The following DCHS2 variants were observed in gnomAD, a reference collection of about 807,000 sequenced individuals.
DCHS2 encodes dachsous cadherin-related 2, also known as protocadherin-23.
In DCHS2, 142 loss-of-function variants were observed where a neutral mutation model predicts 182.4. The observed-to-expected ratio is 0.78, with a 90% confidence interval of 0.68 to 0.89. The LOEUF is 0.89. Ranked by LOEUF, DCHS2 falls within the 40% of genes least tolerant of loss-of-function variation. The pLI is 0.00. For missense variants in DCHS2, 4,319 were observed against 4,198.6 expected (o/e 1.03, Z -0.79); for synonymous variants, 1,740 against 1,663.3 (o/e 1.05, Z -1.12).
rs1305104382 is a variant in DCHS2, at chr4:154,457,770, T to G, written c.2052+31534A>C. ...CTTGTTAAAGCACAAATTGCTTCTC[T>G]CCCCCGCCTCTTTCTACTGCCAGTT... On this transcript the variant is annotated intron_variant, in intron 1 of 19. Transcript: ENST00000357232. Among the ~76,000 whole-genome samples the G allele has an allele frequency of 2.6e-5, 4 of 152,092 alleles. No individual in the cohort carries two copies. The East Asian group carries it at 7.7e-4, about 29-fold the overall frequency.
chr4:154,367,216 T>A (rs927655283), intron 2 of DCHS2, among the ~76,000 whole-genome samples: 2 of 152,180 alleles, frequency 1.3e-5, no homozygotes, highest in African/African-American at 2.4e-5. Flanking sequence ...AGGAGGGCTT[T>A]GAGCACAAGA....
rs752655581 is a variant in DCHS2 at position 154,320,784 on chromosome 4, C to T, written c.4615G>A (p.Gly1539Ser). Residue 1539 changes from glycine to serine, a missense_variant, in exon 9 of 20, where the codon GGC becomes AGC. By Grantham distance (56) the Gly-to-Ser change is moderately conservative (BLOSUM62 0). Transcript: ENST00000357232. The part of the protein sequence containing the change: ...VYVFNAKDDD[G>S]SFLNSRIQYY... ...TGTATTCTACTGTTCAAAAAACTGC[C>T]GTCATCATCTTTGGCATTGAAGACA... is the stretch of plus-strand genomic sequence containing the variant. 15 of 1,613,876 alleles carry T rather than the reference C, an allele frequency of 9.3e-6. No individual in the cohort carries two copies. Among genetic ancestry groups the T allele is most frequent in the East Asian group, 2.2e-5 (1 of 44,890 alleles).
intron 3 of DCHS2, among the ~76,000 whole-genome samples, chr4:154,341,571 G>A (rs942091488): frequency 1.3e-5 from 2 of 151,080 alleles, no homozygotes; most frequent in Admixed American, 6.6e-5. Context: ...TATATGTATC[G>A]TAATGCATAC....
chr4:154,417,158 A>AGT lies in DCHS2; in HGVS notation c.2053-39716_2053-39715dup, dbSNP rs778940410. On this transcript the variant is annotated intron_variant, in intron 1 of 19. Coordinates refer to ENST00000357232, the MANE Select transcript of DCHS2 (RefSeq NM_001358235.2). ...CTGTCACCACCTCAGGCCGGTCCCG[A>AGT]GTGTGTGTGTGTGTGTGTGTGTGTG... is the stretch of plus-strand genomic sequence containing the variant. Among the ~76,000 whole-genome samples the AGT allele has an allele frequency of 5.3e-3, 423 of 79,906 alleles. 6 individuals carry two copies. The highest frequency in any genetic ancestry group is 8.3e-3 in the Middle Eastern group (1 of 120). 52.4% of individuals were successfully genotyped at this position (79,906 alleles called of 152,430 possible).
chr4:154,346,782 AG>A (rs1729381102), intron 3 of DCHS2, among the ~76,000 whole-genome samples: 1 of 152,020 alleles, frequency 6.6e-6, no homozygotes, highest in South Asian at 2.1e-4. Context: ...CCCATCGAAA[AG>A]TCTACCCCAT....
chr4:154,309,791 T>C (rs1029290214), intron 10 of DCHS2, among the ~76,000 whole-genome samples: 1 of 152,332 alleles, frequency 6.6e-6, no homozygotes, highest in South Asian at 2.1e-4. Flanking sequence ...AAATTATCAA[T>C]CATGTTTGAC....
intron 3 of DCHS2, among the ~76,000 whole-genome samples, chr4:154,335,917 T>C (rs1728784491): frequency 6.6e-6 from 1 of 152,214 alleles, no homozygotes; most frequent in Admixed American, 6.5e-5. Context: ...TGACAGAAGA[T>C]CAGATTATAT....
At chr4:154,353,629 C>CTTTTTTT (rs1481691718) in intron 3 of DCHS2, among the ~76,000 whole-genome samples, 4 of 152,120 alleles carry the variant, frequency 2.6e-5, no homozygotes, top group Non-Finnish European at 5.9e-5. Context: ...TTACAGTTTT[C>CTTTTTTT]TTTTTTGCCT....
intron 14 of DCHS2, chr4:154,261,685 A>G (rs925148143): frequency 2.7e-5 from 4 of 149,142 alleles, no homozygotes; most frequent in African/African-American, 7.7e-5. Context: ...TTCTGTTAGG[A>G]AAAAAAAACA....
chr4:154,343,632 T>A, intron 3 of DCHS2: 1 of 1,496,874 alleles, frequency 6.7e-7, no homozygotes, highest in Middle Eastern at 1.7e-4. Flanking sequence ...AGCTTCCTCA[T>A]CTCTTTCAAC....
At chr4:154,322,898 G>A in intron 7 of DCHS2, 1 of 288,334 alleles carries the variant, frequency 3.5e-6, no homozygotes, top group Non-Finnish European at 6.4e-6. Context: ...AATCATCACA[G>A]TACCATATTA....
At chr4:154,429,149 T>C (rs542625042) in intron 1 of DCHS2, among the ~76,000 whole-genome samples, 1 of 152,308 alleles carries the variant, frequency 6.6e-6, no homozygotes, top group African/African-American at 2.4e-5. Flanking sequence ...TTAATGTCTC[T>C]AATCTGGCTT....
In DCHS2 at chr4:154,304,794, G is replaced by A. The variant is rs778626739; in HGVS notation, c.5480C>T (p.Pro1827Leu). 2 of 1,613,736 alleles carry A rather than the reference G, an allele frequency of 1.2e-6. No individual in the cohort carries two copies. The highest frequency in any genetic ancestry group is 1.7e-6 in the Non-Finnish European group (2 of 1,179,924). The change falls in exon 12 of 20, where the codon CCA becomes CTA. Residue 1827 changes from proline to leucine, a missense_variant. By Grantham distance (98) the Pro-to-Leu change is moderately conservative (BLOSUM62 -3). Coordinates refer to ENST00000357232, the MANE Select transcript of DCHS2 (RefSeq NM_001358235.2). Reference protein sequence around the residue: ...CTVEDENDHAPEFIVSSYDIE... With the variant: ...CTVEDENDHALEFIVSSYDIE... Reference sequence around the variant, plus strand: ...GTCATAACTGGAAACAATAAACTCTGGTGCGTGATCGTTTTCATCTTCAAC... The same window carrying A: ...GTCATAACTGGAAACAATAAACTCTAGTGCGTGATCGTTTTCATCTTCAAC...
intron 16 of DCHS2, among the ~76,000 whole-genome samples, chr4:154,246,392 T>C (rs1402369708): frequency 6.6e-6 from 1 of 152,132 alleles, no homozygotes; most frequent in African/African-American, 2.4e-5. Context: ...CATTTGTATG[T>C]CATCCTGAAA....
At chr4:154,432,816 G>C (rs1324798698) in intron 1 of DCHS2, among the ~76,000 whole-genome samples, 2 of 152,090 alleles carry the variant, frequency 1.3e-5, no homozygotes, top group Admixed American at 1.3e-4. Flanking sequence ...CATCCAATAG[G>C]AGAAAGGATA....
intron 12 of DCHS2, among the ~76,000 whole-genome samples, chr4:154,303,484 CAAA>C (rs35984605): frequency 1.4e-3 from 116 of 84,402 alleles, no homozygotes; most frequent in African/African-American, 3.1e-3. Flanking sequence ...GTAAGTGAAG[CAAA>C]AAAAAAAAAA....
chr4:154,318,083 C>A (rs903886106), intron 9 of DCHS2, among the ~76,000 whole-genome samples: 1 of 151,922 alleles, frequency 6.6e-6, no homozygotes. Flanking sequence ...ACAATGGGGG[C>A]AAAGAAGTTT....
intron 1 of DCHS2, among the ~76,000 whole-genome samples, chr4:154,405,161 A>G (rs1732347556): frequency 6.6e-6 from 1 of 152,140 alleles, no homozygotes; most frequent in Non-Finnish European, 1.5e-5. Flanking sequence ...GAGGCAGGAA[A>G]ATCGCTTGAA....
chr4:154,433,395 C>CTTTTTTTTTTTTTTTTTTTTTTT (rs61553613), intron 1 of DCHS2, among the ~76,000 whole-genome samples: 6 of 103,868 alleles, frequency 5.8e-5, no homozygotes, highest in Non-Finnish European at 1.1e-4. Context: ...TTTTTTTTTC[C>CTTTTTTTTTTTTTTTTTTTTTTT]TTTTTTTTTT....
Sources: allele counts gnomAD v4.1 joint callset (sites outside exome capture counted in the v4.1 genomes callset), GRCh38; gene constraint gnomAD v4.1.1; transcripts MANE v1.5; gene names NCBI Gene and HGNC (gene_info 2026-07-23, HGNC 2026-07-21).